STK39: variants seen among roughly 807,000 people sequenced by gnomAD.
STK39 encodes STE20/SPS1-related proline-alanine-rich protein kinase.
A neutral mutation model predicts 77.8 loss-of-function variants in STK39; 20 were observed. The ratio of observed to expected loss-of-function variants is 0.26; its 90% CI spans 0.18 to 0.37. The LOEUF is 0.37. Among genes scored for constraint, STK39 ranks in the 10% least tolerant of loss-of-function variants. The pLI is 1.00. For synonymous variants in STK39, 246 were observed against 234.1 expected, an observed-to-expected ratio of 1.05 and a Z score of -0.47; for missense variants, 479 against 656.5, an observed-to-expected ratio of 0.73 and a Z score of 2.95.
At chr2:168,236,585 G>A (rs900727546) in intron 1 of STK39, among the ~76,000 whole-genome samples, 2 of 152,174 alleles carry the variant, frequency 1.3e-5, no homozygotes, top group Admixed American at 6.5e-5. Flanking sequence ...ATGGTTTTAG[G>A]TCTAACATGT....
At chr2:167,998,110 TA>T (rs35127860) in intron 16 of STK39, among the ~76,000 whole-genome samples, 21,360 of 151,476 alleles carry the variant, frequency 0.14, 1,662 homozygotes, top group Middle Eastern at 0.19. Flanking sequence ...AAGGGAAGGT[TA>T]AAAAAAAATA....
At chr2:167,974,911 G>C (rs1312975595) in intron 16 of STK39, among the ~76,000 whole-genome samples, 1 of 152,104 alleles carries the variant, frequency 6.6e-6, no homozygotes, top group East Asian at 1.9e-4. Context: ...AACTGAAGTA[G>C]AACAAAAATT....
chr2:168,035,382 A>T (rs1359033388), intron 14 of STK39, among the ~76,000 whole-genome samples: 1 of 152,252 alleles, frequency 6.6e-6, no homozygotes, highest in African/African-American at 2.4e-5. Flanking sequence ...GTAGTTATTA[A>T]AAGCAAATCA....
chr2:168,232,045 C>T lies in STK39; in HGVS notation c.208+15183G>A, dbSNP rs927010173. 3.6e-5 allele frequency: 9 copies of T among 249,198 alleles called. No homozygotes were observed. In the East Asian group the frequency reaches 7.6e-4, roughly 21 times the overall value. 15.4% of individuals were successfully genotyped at this position (249,198 alleles called of 1,614,324 possible). Reference sequence around the variant, plus strand: ...ATGGTGCACTCCTTACAATAATAGGCATCAGAGACTCCAGGACCTCCAGAG... The same window carrying T: ...ATGGTGCACTCCTTACAATAATAGGTATCAGAGACTCCAGGACCTCCAGAG... On this transcript the variant is annotated intron_variant, in intron 1 of 17. Transcript: ENST00000355999.
At chr2:167,963,095 T>TG (rs1187626348) in intron 17 of STK39, among the ~76,000 whole-genome samples, 1 of 152,116 alleles carries the variant, frequency 6.6e-6, no homozygotes, top group Non-Finnish European at 1.5e-5. Context: ...AGGCACAGGG[T>TG]GGTAAACAGA....
chr2:167,972,294 C>G (rs776550064), intron 16 of STK39, among the ~76,000 whole-genome samples: 1 of 152,204 alleles, frequency 6.6e-6, no homozygotes, highest in Non-Finnish European at 1.5e-5. Flanking sequence ...AATTCTGAGG[C>G]TGATCTTGAG....
chr2:168,130,375 A>G (rs1180938102), intron 8 of STK39, among the ~76,000 whole-genome samples: 2 of 152,176 alleles, frequency 1.3e-5, no homozygotes, highest in African/African-American at 2.4e-5. Context: ...TCTAGCCCAT[A>G]TTTCCTGTAA....
chr2:168,116,252 G>C (rs1189150841), intron 10 of STK39, among the ~76,000 whole-genome samples: 1 of 152,084 alleles, frequency 6.6e-6, no homozygotes, highest in African/African-American at 2.4e-5. Flanking sequence ...TAAATTAAAG[G>C]CTACTGTTTG....
intron 4 of STK39, chr2:168,163,531 A>C: frequency 1.1e-6 from 1 of 919,324 alleles, no homozygotes; most frequent in South Asian, 5.1e-5. Flanking sequence ...ATTTAGACTA[A>C]GTTAAAGTAA....
rs185169720 is a variant in STK39, at chr2:168,149,256, G to A, written c.629-8498C>T. Among the ~76,000 whole-genome samples the A allele has an allele frequency of 2.2e-3, 335 of 152,310 alleles. 3 individuals are homozygous for A. Among genetic ancestry groups the A allele is most frequent in the African/African-American group, 7.5e-3 (310 of 41,564 alleles). On this transcript the variant is annotated intron_variant, in intron 5 of 17. Transcript: ENST00000355999. ...CTGAATAAAATAACCATCCTACAGG[G>A]CTCCTTTGCTCCCCATTCTCCTTCC... is the stretch of plus-strand genomic sequence containing the variant.
At chr2:168,081,584 A>C (rs1161861270) in intron 10 of STK39, among the ~76,000 whole-genome samples, 1 of 152,076 alleles carries the variant, frequency 6.6e-6, no homozygotes, top group East Asian at 1.9e-4. Context: ...TTAATACTGA[A>C]ATGAGTTCTG....
chr2:168,003,186 C>G (rs1684044714), intron 16 of STK39, among the ~76,000 whole-genome samples: 1 of 152,134 alleles, frequency 6.6e-6, no homozygotes, highest in Non-Finnish European at 1.5e-5. Flanking sequence ...CCATGTTGGT[C>G]AGGCTGGTCT....
intron 10 of STK39, among the ~76,000 whole-genome samples, chr2:168,119,921 C>T (rs1385710391): frequency 6.6e-6 from 1 of 152,134 alleles, no homozygotes; most frequent in Non-Finnish European, 1.5e-5. Flanking sequence ...AACTGGGATA[C>T]TGGCTTTGGA....
At chr2:168,177,408 T>C (rs1321797608) in intron 2 of STK39, among the ~76,000 whole-genome samples, 2 of 152,122 alleles carry the variant, frequency 1.3e-5, no homozygotes, top group African/African-American at 2.4e-5. Flanking sequence ...AAAGGCAGAC[T>C]AGAAATATGA....
Position 168,167,365 on chromosome 2 carries a change from C to T in STK39, c.364G>A (p.Val122Met). 6.2e-7 allele frequency: 1 copy of T among 1,613,776 alleles called. No individual in the cohort carries two copies. The highest frequency in any genetic ancestry group is 8.5e-7 in the Non-Finnish European group (1 of 1,179,788). The change falls in exon 3 of 18, where the codon GTG becomes ATG. Residue 122 changes from valine to methionine, a missense_variant. Val to Met is a conservative substitution (Grantham distance 21). This residue lies in a region of STK39 where 139 missense variants were observed against 280.6 expected (regional missense o/e 0.50). Coordinates refer to ENST00000355999, the MANE Select transcript of STK39 (RefSeq NM_013233.3). ...ACCACAAAAGAGGTGTAATAGGTCA[C>T]TACGTTGGGATGGCTGCACTGACTC... ...AMSQCSHPNV[V>M]TYYTSFVVKD... is the part of the protein sequence containing the mutation.
At chr2:168,170,057 C>A (rs6433036) in intron 2 of STK39, among the ~76,000 whole-genome samples, 65,340 of 151,702 alleles carry the variant, frequency 0.43, 16,063 homozygotes, top group East Asian at 0.77. Flanking sequence ...GGAGAAACAT[C>A]TGTAGCTCTG....
chr2:168,188,651 T>G (rs1205150387), intron 1 of STK39, among the ~76,000 whole-genome samples: 3 of 152,218 alleles, frequency 2.0e-5, no homozygotes, highest in Non-Finnish European at 4.4e-5. Flanking sequence ...GAGCATGTAC[T>G]CGGCACATTG....
At chr2:168,103,515 TTC>T (rs1686890164) in intron 10 of STK39, among the ~76,000 whole-genome samples, 1 of 152,216 alleles carries the variant, frequency 6.6e-6, no homozygotes, top group African/African-American at 2.4e-5. Flanking sequence ...TGCTTTTATA[TTC>T]TAAATTACAC....
intron 5 of STK39, among the ~76,000 whole-genome samples, chr2:168,159,391 C>A (rs1688514135): frequency 6.6e-6 from 1 of 152,116 alleles, no homozygotes; most frequent in African/African-American, 2.4e-5. Context: ...GTTTCACCCA[C>A]CGACAAGGAT....
Sources: allele counts gnomAD v4.1 joint callset (sites outside exome capture counted in the v4.1 genomes callset), GRCh38; gene constraint gnomAD v4.1.1; regional missense constraint gnomAD v4.1.1; transcripts MANE v1.5; gene names NCBI Gene and HGNC (gene_info 2026-07-23, HGNC 2026-07-21).